FA2H: variants seen among roughly 807,000 people sequenced by gnomAD.
FA2H encodes the protein fatty acid 2-hydroxylase, also known as fatty acid alpha-hydroxylase.
FA2H carries 22 observed loss-of-function variants against 44.9 expected under a neutral mutation model. The ratio of observed to expected loss-of-function variants is 0.49; its 90% CI spans 0.35 to 0.70. The LOEUF (loss-of-function observed/expected upper bound fraction) is 0.70. Among genes scored for constraint, FA2H ranks in the 30% least tolerant of loss-of-function variants. The pLI is 0.01. For missense variants in FA2H, 501 were observed against 504.9 expected (o/e 0.99, Z 0.07); for synonymous variants, 243 against 213.2 (o/e 1.14, Z -1.22).
In FA2H at chr16:74,737,151, C is replaced by T. The variant is rs550650888; in HGVS notation, c.363+2872G>A. 1.2e-4 allele frequency among the ~76,000 whole-genome samples: 18 copies of T among 152,208 alleles called. No individual in the cohort carries two copies. The East Asian group carries it at 2.3e-3, about 20-fold the overall frequency. ...CCTCCCCAAAGGGAGGCTGGTCCCC[C>T]GGGTGGAAAGGGTGGAGAGGGCTCC... On this transcript the variant is annotated intron_variant, in intron 2 of 6. Transcript: ENST00000219368.
At chr16:74,733,353 G>A (rs1248646071) in intron 2 of FA2H, among the ~76,000 whole-genome samples, 3 of 152,116 alleles carry the variant, frequency 2.0e-5, no homozygotes, top group Admixed American at 6.5e-5. Context: ...GCCGACCCCC[G>A]ACCCAATTTA....
chr16:74,758,630 G>A (rs1962656172), intron 1 of FA2H, among the ~76,000 whole-genome samples: 1 of 151,968 alleles, frequency 6.6e-6, no homozygotes. Flanking sequence ...ATGTCGATTA[G>A]AATGAGAGTT....
chr16:74,764,625 G>C (rs982073740), intron 1 of FA2H, among the ~76,000 whole-genome samples: 1 of 151,924 alleles, frequency 6.6e-6, no homozygotes, highest in Non-Finnish European at 1.5e-5. Context: ...ATGGGTACTA[G>C]ACTTAACACC....
chr16:74,768,163 C>T (rs547643277), intron 1 of FA2H, among the ~76,000 whole-genome samples: 6 of 152,314 alleles, frequency 3.9e-5, no homozygotes, highest in South Asian at 2.1e-4. Context: ...GGTTATTTCC[C>T]GGGAATACTT....
chr16:74,766,074 G>C (rs758901824), intron 1 of FA2H, among the ~76,000 whole-genome samples: 1 of 152,114 alleles, frequency 6.6e-6, no homozygotes, highest in Non-Finnish European at 1.5e-5. Context: ...TTGGGAGGCC[G>C]AGGCAGGTGA....
chr16:74,767,318 C>G (rs181796747), intron 1 of FA2H, among the ~76,000 whole-genome samples: 2 of 151,862 alleles, frequency 1.3e-5, no homozygotes, highest in Non-Finnish European at 2.9e-5. Flanking sequence ...AAAAAAATCA[C>G]TGAGCTGTAT....
chr16:74,746,431 ACCT>A (rs1182173637), intron 1 of FA2H, among the ~76,000 whole-genome samples: 1 of 148,838 alleles, frequency 6.7e-6, no homozygotes, highest in Non-Finnish European at 1.5e-5. Context: ...GTTAGTCTCA[ACCT>A]CCTAGCCTCG....
intron 4 of FA2H, among the ~76,000 whole-genome samples, chr16:74,720,674 A>C (rs1221375387): frequency 6.6e-6 from 1 of 152,082 alleles, no homozygotes; most frequent in Non-Finnish European, 1.5e-5. Flanking sequence ...CACCCCAGTC[A>C]ATTTTACAAC....
At chr16:74,741,100 C>A (rs577870729) in intron 1 of FA2H, 2 of 152,400 alleles carry the variant, frequency 1.3e-5, no homozygotes, top group Middle Eastern at 6.8e-3. Flanking sequence ...ACAGCCCCAG[C>A]CAGCTCTGAC....
intron 1 of FA2H, among the ~76,000 whole-genome samples, chr16:74,753,408 A>C (rs1271749214): frequency 6.6e-6 from 1 of 152,164 alleles, no homozygotes; most frequent in African/African-American, 2.4e-5. Flanking sequence ...CACGAACAGC[A>C]GGGCGAGGTG....
intron 5 of FA2H, among the ~76,000 whole-genome samples, chr16:74,718,243 G>A (rs531507806): frequency 1.4e-4 from 21 of 152,284 alleles, no homozygotes; most frequent in South Asian, 4.1e-4. Context: ...CTGGTGTCCC[G>A]AAAGTATCAT....
At chr16:74,740,245 AG>A in intron 1 of FA2H, 130 bp from the exon 2 acceptor site, 1 of 750,378 alleles carries the variant, frequency 1.3e-6, no homozygotes, top group Non-Finnish European at 2.4e-6. Context: ...GTGGAGATCA[AG>A]GACGCTGGGT....
intron 1 of FA2H, among the ~76,000 whole-genome samples, chr16:74,759,243 G>A (rs749521431): frequency 1.3e-5 from 2 of 152,200 alleles, no homozygotes; most frequent in Non-Finnish European, 2.9e-5. Flanking sequence ...TACTACACAC[G>A]TTTCATTCAT....
At chr16:74,738,633 T>A (rs1274226255) in intron 2 of FA2H, among the ~76,000 whole-genome samples, 1 of 152,204 alleles carries the variant, frequency 6.6e-6, no homozygotes, top group Non-Finnish European at 1.5e-5. Flanking sequence ...TCTCTGCAGC[T>A]CCTTCCAGTA....
chr16:74,736,844 G>C (rs1962192738), intron 2 of FA2H, among the ~76,000 whole-genome samples: 1 of 152,160 alleles, frequency 6.6e-6, no homozygotes, highest in Non-Finnish European at 1.5e-5. Flanking sequence ...AAGGTTCCAG[G>C]ACCTTGTGGA....
intron 4 of FA2H, among the ~76,000 whole-genome samples, chr16:74,720,131 T>C (rs1161297342): frequency 2.8e-5 from 4 of 144,458 alleles, no homozygotes; most frequent in Non-Finnish European, 6.0e-5. Context: ...TTTGACCTCA[T>C]GGAGATTTCA....
chr16:74,726,018 G>C (rs147740727), intron 4 of FA2H: 1 of 563,636 alleles, frequency 1.8e-6, no homozygotes, highest in Non-Finnish European at 3.2e-6. Context: ...CTGCTGATGT[G>C]TTGTTGGGTT....
Position 74,716,481 on chromosome 16 carries a change from G to T in FA2H, c.905C>A (p.Ala302Glu). 6.2e-7 allele frequency: 1 copy of T among 1,613,810 alleles called. No individual in the cohort carries two copies. Among genetic ancestry groups the T allele is most frequent in the East Asian group, 2.2e-5 (1 of 44,796 alleles). Residue 302 changes from alanine to glutamate, a missense_variant, in exon 6 of 7, where the codon GCG becomes GAG. Coordinates refer to ENST00000219368, the MANE Select transcript of FA2H (RefSeq NM_024306.5). ...LPEAVGGTVF[A>E]GGLLGYVLYD... Reference sequence around the variant, plus strand: ...GAGGACGTAGCCCAGGAGGCCCCCCGCAAACACAGTGCCCCCTACTGCCTC... The same window carrying T: ...GAGGACGTAGCCCAGGAGGCCCCCCTCAAACACAGTGCCCCCTACTGCCTC...
At chr16:74,754,331 G>A (rs1051506202) in intron 1 of FA2H, among the ~76,000 whole-genome samples, 6 of 152,126 alleles carry the variant, frequency 3.9e-5, no homozygotes, top group Non-Finnish European at 7.3e-5. Context: ...GGGAGGTGGA[G>A]GTTGCAGTGA....
Sources: gnomAD v4.1 joint callset for allele counts (sites outside exome capture counted in the v4.1 genomes callset) on GRCh38, gnomAD v4.1.1 for gene constraint, MANE v1.5 for transcripts, NCBI Gene and HGNC (gene_info 2026-07-23, HGNC 2026-07-21) for gene names.